The following FER1L5 variants were observed in gnomAD, a reference collection of about 807,000 sequenced individuals.
The protein encoded by FER1L5 is fer-1 like family member 5.
In FER1L5, 187 loss-of-function variants were observed where a neutral mutation model predicts 279.9. That is an observed-to-expected ratio of 0.67 (90% confidence interval 0.59 to 0.75). The LOEUF (loss-of-function observed/expected upper bound fraction) is 0.75, where lower values mean the gene tolerates loss of function less well. Ranked by LOEUF, FER1L5 falls within the 30% of genes least tolerant of loss-of-function variation. The pLI is 0.00. For synonymous variants in FER1L5, 921 were observed against 989.7 expected, an observed-to-expected ratio of 0.93 and a Z score of 1.30; for missense variants, 2,091 against 2,594.4, an observed-to-expected ratio of 0.81 and a Z score of 4.21.
At chr2:96,684,941 A>G (rs990442735) in intron 20 of FER1L5, among the ~76,000 whole-genome samples, 16 of 152,140 alleles carry the variant, frequency 1.1e-4, no homozygotes, top group African/African-American at 2.4e-4. Context: ...TGGAGGTGAC[A>G]TGAAGATAAG....
chr2:96,689,675 C>G lies in FER1L5; in HGVS notation c.2557C>G (p.Gln853Glu), dbSNP rs2077065872. The change falls in exon 26 of 53, where the codon CAG becomes GAG. Residue 853 changes from glutamine to glutamate, a missense_variant. Physicochemically the swap from Gln to Glu is conservative, Grantham distance 29. Coordinates refer to ENST00000624922, the MANE Select transcript of FER1L5 (RefSeq NM_001293083.2). This position sits in a 1 kb window ranked among gnomAD's most constrained non-coding sequence, Gnocchi z 4.6. ...LLLDIDINKS[Q>E]VLEEVYENQG... is the part of the protein sequence containing the mutation. ...CCTGGACATAGACATCAACAAGAGC[C>G]AGGTGCTGGAGGAGGTATATGAGAA... is the stretch of plus-strand genomic sequence containing the variant. 6.4e-7 allele frequency: 1 copy of G among 1,550,986 alleles called. No individual in the cohort carries two copies. The highest frequency in any genetic ancestry group is 1.4e-5 in the African/African-American group (1 of 72,996).
intron 12 of FER1L5, 49 bp downstream of exon 12, chr2:96,661,840 G>A (rs908943151): frequency 7.7e-6 from 12 of 1,548,428 alleles, no homozygotes; most frequent in African/African-American, 6.9e-5. Context: ...TTCCCTACAC[G>A]GTGATACCCT....
chr2:96,663,196 A>G (rs541213614), intron 13 of FER1L5, among the ~76,000 whole-genome samples: 10 of 152,326 alleles, frequency 6.6e-5, no homozygotes, highest in African/African-American at 2.2e-4. Context: ...AATGAAGTCT[A>G]TTGAAAGCTG....
intron 37 of FER1L5, among the ~76,000 whole-genome samples, chr2:96,696,638 C>A (rs961827461): frequency 6.6e-6 from 1 of 151,850 alleles, no homozygotes; most frequent in Non-Finnish European, 1.5e-5. Context: ...CAGTGGCTCA[C>A]ATCTGTAATC....
In FER1L5 at chr2:96,686,025, G is replaced by A. The variant is rs550466402; in HGVS notation, c.1981G>A (p.Glu661Lys). 3.2e-6 allele frequency: 5 copies of A among 1,551,584 alleles called. No individual in the cohort carries two copies. The East Asian group carries it at 1.2e-4, about 38-fold the overall frequency. ...RWQLRSLLLQ[E>K]LAQKAKQAKP... Reference sequence around the variant, plus strand: ...GCAGCTCCGCAGCCTCCTCCTGCAGGAACTGGCCCAAAAGGCCAAGCAAGC... The same window carrying A: ...GCAGCTCCGCAGCCTCCTCCTGCAGAAACTGGCCCAAAAGGCCAAGCAAGC... The change falls in exon 22 of 53, where the codon GAA becomes AAA. Residue 661 changes from glutamate to lysine, a missense_variant. Coordinates refer to ENST00000624922, the MANE Select transcript of FER1L5 (RefSeq NM_001293083.2).
At position 96,703,586 on chromosome 2, in the gene FER1L5, C is replaced by T. The variant is rs759227363; in HGVS notation, c.5755C>T (p.Arg1919Ter). 9.3e-6 allele frequency: 15 copies of T among 1,613,928 alleles called. No homozygotes were observed. The highest frequency in any genetic ancestry group is 3.3e-5 in the South Asian group (3 of 91,074). ...GGAAGCCTTAATCAAGCCAGCCGGG[C>T]GAGGCCAGTCGGAACCCAACCAGTA... is the stretch of plus-strand genomic sequence containing the variant. ...EKEALIKPAG[R>*]GQSEPNQYPT... The change falls in exon 51 of 53, where the codon CGA becomes TGA. Residue 1919 changes from arginine (R) to a stop codon, truncating the protein, a stop_gained. Coordinates refer to ENST00000624922, the MANE Select transcript of FER1L5 (RefSeq NM_001293083.2). LOFTEE classifies it high-confidence loss of function.
chr2:96,683,433 AC>A (rs2076804055), intron 19 of FER1L5, among the ~76,000 whole-genome samples: 2 of 151,834 alleles, frequency 1.3e-5, no homozygotes, highest in Admixed American at 1.3e-4. Flanking sequence ...TCTTATAAGG[AC>A]CCCAGTCCTT....
At chr2:96,684,597 A>G in intron 20 of FER1L5, 146 bp downstream of exon 20, 1 of 1,264,034 alleles carries the variant, frequency 7.9e-7, no homozygotes, top group Non-Finnish European at 1.1e-6. Flanking sequence ...ATGTGCCAGA[A>G]GCAGGGTAGG....
chr2:96,687,346 G>A (rs941263069), intron 23 of FER1L5, among the ~76,000 whole-genome samples: 7 of 152,302 alleles, frequency 4.6e-5, no homozygotes, highest in South Asian at 2.1e-4. Flanking sequence ...TTCGCATCCC[G>A]CAAGAGCCCC....
At position 96,704,454 on chromosome 2, in the gene FER1L5, T is replaced by A; in HGVS notation, c.5950-14T>A. 1.2e-6 allele frequency: 2 copies of A among 1,613,772 alleles called. No individual in the cohort carries two copies. The highest frequency in any genetic ancestry group is 1.7e-6 in the Non-Finnish European group (2 of 1,179,678). On this transcript the variant is annotated splice_polypyrimidine_tract_variant and intron_variant, in intron 52 of 52. Transcript: ENST00000624922. ...GCTTGCCACCCCAGGCTAACTGTTG[T>A]CTGTTCTCTCTAGCACTATTTGGCC...
intron 4 of FER1L5, among the ~76,000 whole-genome samples, chr2:96,649,176 C>T (rs1380218686): frequency 6.6e-6 from 1 of 152,024 alleles, no homozygotes. Context: ...AGGGGGCCAT[C>T]CTGGTGATGG....
At chr2:96,688,837 C>CAGG in intron 24 of FER1L5, 1 of 208,440 alleles carries the variant, frequency 4.8e-6, no homozygotes, top group Non-Finnish European at 9.6e-6. Context: ...AGCCCTCCTG[C>CAGG]ACCACTTGAC....
At chr2:96,668,064 T>C (rs889258743) in intron 14 of FER1L5, among the ~76,000 whole-genome samples, 1 of 151,994 alleles carries the variant, frequency 6.6e-6, no homozygotes, top group Non-Finnish European at 1.5e-5. Context: ...TTTCATCATG[T>C]TGCCCAGGCT....
chr2:96,697,837 C>T, intron 39 of FER1L5, 76 bp downstream of exon 39: 1 of 1,545,910 alleles, frequency 6.5e-7, no homozygotes, highest in South Asian at 1.2e-5. Context: ...CTTGATTCCT[C>T]TGGGAAGCCT....
In FER1L5 at chr2:96,686,291, C is replaced by T. The variant is rs2106634375; in HGVS notation, c.2170C>T (p.Pro724Ser). Residue 724 changes from proline to serine, a missense_variant, in exon 23 of 53, where the codon CCG (proline) becomes TCG (serine). Pro to Ser is a moderately conservative substitution (Grantham distance 74). Coordinates refer to ENST00000624922, the MANE Select transcript of FER1L5 (RefSeq NM_001293083.2). ...QVPAHSVLFS[P>S]AGALHSGRLC... ...GCCTGCCCACTCCGTCCTCTTCTCC[C>T]CGGCAGGGGCTCTGCACTCCGGCAG... The T allele has an allele frequency of 1.3e-6, 2 of 1,551,638 alleles. No homozygotes were observed. Among genetic ancestry groups the T allele is most frequent in the East Asian group, 2.4e-5 (1 of 40,924 alleles).
chr2:96,652,019 A>G lies in FER1L5; in HGVS notation c.632A>G (p.Glu211Gly). 6.4e-7 allele frequency: 1 copy of G among 1,551,674 alleles called. No homozygotes were observed. Among genetic ancestry groups the G allele is most frequent in the Non-Finnish European group, 8.7e-7 (1 of 1,146,982 alleles). ...IKMGNNPFFN[E>G]IFFQNFHEVP... ...ATGGGAAACAACCCTTTCTTTAATG[A>G]GGTGGGCTGAACGGGGCACATCAGG... The change falls in exon 7 of 53, where the codon GAG becomes GGG. Residue 211 changes from glutamate (E) to glycine (G), a missense_variant and splice_region_variant. Coordinates refer to ENST00000624922, the MANE Select transcript of FER1L5 (RefSeq NM_001293083.2).
Position 96,653,334 on chromosome 2 carries a change from T to G in FER1L5, c.634-306T>G, listed in dbSNP as rs2075461907. On this transcript the variant is annotated intron_variant, in intron 7 of 52. Transcript: ENST00000624922. ...CAGAAGTGTTTTGGATTTCAGATTTTTTTTGGGAATCTGGAATATTTGCAT... is the reference window on the plus strand; with the variant it reads ...CAGAAGTGTTTTGGATTTCAGATTTGTTTTGGGAATCTGGAATATTTGCAT... The G allele has an allele frequency of 1.2e-5, 4 of 334,372 alleles. No homozygotes were observed. The South Asian group carries it at 1.3e-4, about 11-fold the overall frequency. The allele number at this position is 334,372 out of a possible 1,614,324, so 20.7% of individuals were successfully genotyped here.
At position 96,703,085 on chromosome 2, in the gene FER1L5, C is replaced by T; in HGVS notation, c.5497+8C>T. The T allele has an allele frequency of 6.2e-7, 1 of 1,613,752 alleles. No individual in the cohort carries two copies. The highest frequency in any genetic ancestry group is 8.5e-7 in the Non-Finnish European group (1 of 1,179,780). On this transcript the variant is annotated splice_region_variant and intron_variant, in intron 49 of 52. Transcript: ENST00000624922. The stretch of plus-strand genomic sequence containing the variant: ...CCCCCGACGACTTCCTAGGTGAGGT[C>T]CTGACACAGGGCTTGTGACCACAGG...
chr2:96,678,156 G>A (rs12477059), intron 19 of FER1L5, among the ~76,000 whole-genome samples: 36,486 of 150,784 alleles, frequency 0.24, 5,885 homozygotes, highest in South Asian at 0.65. Context: ...ACCGAATCTC[G>A]CTCTGACACC....
Sources: allele counts gnomAD v4.1 joint callset (sites outside exome capture counted in the v4.1 genomes callset), GRCh38; gene constraint gnomAD v4.1.1; non-coding constraint Gnocchi (gnomAD v3.1); transcripts MANE v1.5; gene names NCBI Gene and HGNC (gene_info 2026-07-23, HGNC 2026-07-21).